WDR19: variants seen among roughly 807,000 people sequenced by gnomAD.
WDR19 encodes the protein WD repeat domain 19.
In WDR19, 121 loss-of-function variants were observed where a neutral mutation model predicts 180.0. The observed-to-expected ratio is 0.67, with a 90% CI of 0.58 to 0.78. The LOEUF is 0.78. Among genes scored for constraint, WDR19 ranks in the 30% least tolerant of loss-of-function variants. WDR19 has a pLI of 0.00. For missense variants in WDR19, 1,450 were observed against 1,640.7 expected, an observed-to-expected ratio of 0.88 and a Z score of 2.01; for synonymous variants, 497 against 540.7, an observed-to-expected ratio of 0.92 and a Z score of 1.12.
intron 24 of WDR19, among the ~76,000 whole-genome samples, chr4:39,251,028 C>A (rs1213927743): frequency 6.6e-6 from 1 of 151,824 alleles, no homozygotes; most frequent in Non-Finnish European, 1.5e-5. Context: ...CATATGGAAC[C>A]AAAAAAGAGC....
intron 6 of WDR19, 90 bp downstream of exon 6, chr4:39,199,683 A>T (rs1391319238): frequency 4.8e-6 from 5 of 1,035,524 alleles, no homozygotes; most frequent in Non-Finnish European, 7.2e-6. Flanking sequence ...TACAATTTTT[A>T]AAAATCTATA....
At chr4:39,187,101 T>A (rs1344169728) in intron 3 of WDR19, among the ~76,000 whole-genome samples, 1 of 152,186 alleles carries the variant, frequency 6.6e-6, no homozygotes, top group Non-Finnish European at 1.5e-5. Context: ...ATATTAGTTA[T>A]TCTACTGATG....
chr4:39,237,534 C>A (rs893296943), intron 20 of WDR19: 3 of 152,182 alleles, frequency 2.0e-5, no homozygotes, highest in African/African-American at 7.2e-5. Flanking sequence ...CCACTACCCA[C>A]CAGCCTAGGC....
chr4:39,242,993 A>T (rs2109402249), intron 21 of WDR19, among the ~76,000 whole-genome samples: 1 of 152,292 alleles, frequency 6.6e-6, no homozygotes, highest in African/African-American at 2.4e-5. Context: ...AAAAATAAAA[A>T]ATTAGCTGGG....
intron 18 of WDR19, 77 bp downstream of exon 18, chr4:39,232,033 A>G (rs2109367561): frequency 5.1e-6 from 8 of 1,567,016 alleles, no homozygotes; most frequent in South Asian, 1.1e-5. Flanking sequence ...AATTTTTTGC[A>G]TTTAATCTTA....
chr4:39,241,493 CAA>C (rs36076556), intron 21 of WDR19, among the ~76,000 whole-genome samples: 1 of 119,516 alleles, frequency 8.4e-6, no homozygotes, highest in Non-Finnish European at 1.7e-5. Context: ...GACTATATCT[CAA>C]AAAAAAAAAA....
At chr4:39,185,589 C>G in intron 1 of WDR19, 137 bp from the exon 2 acceptor site, 1 of 737,400 alleles carries the variant, frequency 1.4e-6, no homozygotes, top group South Asian at 1.8e-5. Context: ...TTGTTAACTT[C>G]TAGATAAGCT....
At chr4:39,251,029 A>G (rs1165412323) in intron 24 of WDR19, among the ~76,000 whole-genome samples, 2 of 152,130 alleles carry the variant, frequency 1.3e-5, no homozygotes, top group South Asian at 2.1e-4. Context: ...ATATGGAACC[A>G]AAAAAGAGCT....
intron 6 of WDR19, 144 bp from the exon 7 acceptor site, chr4:39,203,498 T>G (rs1727591412): frequency 1.5e-6 from 1 of 648,282 alleles, no homozygotes; most frequent in South Asian, 2.0e-5. Context: ...TCATCTAGAA[T>G]TTCTAGATAT....
At chr4:39,247,509 G>A (rs1202280671) in intron 24 of WDR19, among the ~76,000 whole-genome samples, 1 of 152,184 alleles carries the variant, frequency 6.6e-6, no homozygotes, top group Non-Finnish European at 1.5e-5. Context: ...GACAGAGAAT[G>A]ACTTTGACGA....
intron 24 of WDR19, among the ~76,000 whole-genome samples, chr4:39,251,107 T>C (rs1195944960): frequency 6.6e-6 from 1 of 152,068 alleles, no homozygotes; most frequent in Non-Finnish European, 1.5e-5. Flanking sequence ...GACTTCAAAC[T>C]ATACTACAAG....
At chr4:39,216,769 T>C (rs554093188) in intron 12 of WDR19, among the ~76,000 whole-genome samples, 202 of 152,170 alleles carry the variant, frequency 1.3e-3, no homozygotes, top group Non-Finnish European at 2.3e-3. Flanking sequence ...TTTCCCCAAT[T>C]CTAGGTCAGA....
At chr4:39,253,046 T>C in intron 24 of WDR19, 100 bp from the exon 25 acceptor site, 3 of 1,168,062 alleles carry the variant, frequency 2.6e-6, no homozygotes, top group African/African-American at 1.6e-5. Context: ...AAATAAGCAG[T>C]CACCATCAAT....
intron 24 of WDR19, among the ~76,000 whole-genome samples, chr4:39,247,914 A>G (rs1048053297): frequency 1.3e-5 from 2 of 152,252 alleles, no homozygotes; most frequent in African/African-American, 2.4e-5. Flanking sequence ...AATGGAACCA[A>G]GTTGGAAAAC....
intron 14 of WDR19, among the ~76,000 whole-genome samples, chr4:39,221,408 C>G (rs1039917839): frequency 1.3e-5 from 2 of 152,178 alleles, no homozygotes; most frequent in Non-Finnish European, 2.9e-5. Context: ...GTAGTCTGTT[C>G]ATAAAGCAGC....
intron 21 of WDR19, among the ~76,000 whole-genome samples, chr4:39,241,887 T>A (rs548518407): frequency 1.3e-5 from 2 of 151,588 alleles, no homozygotes; most frequent in Admixed American, 1.3e-4. Context: ...TTAATGATTT[T>A]ATATATTTTC....
At chr4:39,223,110 C>T (rs1729867281) in intron 14 of WDR19, among the ~76,000 whole-genome samples, 1 of 152,068 alleles carries the variant, frequency 6.6e-6, no homozygotes. Context: ...TTAACATTTG[C>T]CCATTGAAGG....
rs370234052 is a variant in WDR19, at chr4:39,187,334, C to T, written c.164+730C>T. On this transcript the variant is annotated intron_variant, in intron 3 of 36. Transcript: ENST00000399820. ...ACTTGGGAGGCTGAGGCAGGAGAAT[C>T]ACTTGAACCCGGAAGGTGGAGGTTG... 1.2e-4 allele frequency among the ~76,000 whole-genome samples: 18 copies of T among 150,838 alleles called. No individual in the cohort carries two copies. In the East Asian group the frequency reaches 3.2e-3, roughly 26 times the overall value.
chr4:39,231,308 C>G (rs1447384895), intron 17 of WDR19, among the ~76,000 whole-genome samples: 1 of 131,150 alleles, frequency 7.6e-6, no homozygotes, highest in Admixed American at 7.5e-5. Flanking sequence ...GAGTGAGACT[C>G]CGTCTTCAAA....
Sources: gnomAD v4.1 joint callset for allele counts (sites outside exome capture counted in the v4.1 genomes callset) on GRCh38, gnomAD v4.1.1 for gene constraint, MANE v1.5 for transcripts, NCBI Gene and HGNC (gene_info 2026-07-23, HGNC 2026-07-21) for gene names.